The following TGFBR3 variants were observed in gnomAD, a reference collection of about 807,000 sequenced individuals.
TGFBR3 encodes transforming growth factor beta receptor type 3.
TGFBR3 carries 46 observed loss-of-function variants against 87.9 expected under a neutral mutation model. The observed-to-expected ratio is 0.52, with a 90% CI of 0.41 to 0.67. The LOEUF (loss-of-function observed/expected upper bound fraction) is 0.67. Among genes scored for constraint, TGFBR3 ranks in the 30% least tolerant of loss-of-function variants. The probability of loss-of-function intolerance (pLI) is 0.00; values close to 1 mark genes in which losing one functional copy is unlikely to be tolerated. For synonymous variants in TGFBR3, 381 were observed against 391.6 expected, an observed-to-expected ratio of 0.97 and a Z score of 0.32; for missense variants, 866 against 1,041.9, an observed-to-expected ratio of 0.83 and a Z score of 2.32.
intron 2 of TGFBR3, among the ~76,000 whole-genome samples, chr1:91,820,965 G>A (rs1676427362): frequency 6.6e-6 from 1 of 152,202 alleles, no homozygotes; most frequent in Non-Finnish European, 1.5e-5. Context: ...GGAGACACGA[G>A]AGGAACTCTG....
intron 2 of TGFBR3, among the ~76,000 whole-genome samples, chr1:91,832,071 T>G: frequency 6.6e-6 from 1 of 152,226 alleles, no homozygotes; most frequent in East Asian, 1.9e-4. Context: ...GGCTTTTATA[T>G]CCCTTTACTT....
At chr1:91,816,910 GTATTCT>G (rs1040124334) in intron 2 of TGFBR3, among the ~76,000 whole-genome samples, 35 of 152,050 alleles carry the variant, frequency 2.3e-4, no homozygotes, top group African/African-American at 8.0e-4. Flanking sequence ...CATATAATAG[GTATTCT>G]TATTAAAGAA....
At chr1:91,865,775 G>A (rs956327541) in intron 1 of TGFBR3, among the ~76,000 whole-genome samples, 7 of 151,958 alleles carry the variant, frequency 4.6e-5, no homozygotes, top group Non-Finnish European at 8.8e-5. Context: ...AGCCGGGCGC[G>A]GTGGCAGGCA....
intron 16 of TGFBR3, among the ~76,000 whole-genome samples, chr1:91,694,730 A>C (rs1671373420): frequency 6.6e-6 from 1 of 152,226 alleles, no homozygotes; most frequent in Non-Finnish European, 1.5e-5. Flanking sequence ...TAAACAGAGA[A>C]GCTGGGCCTG....
At chr1:91,857,759 C>T (rs1481586604) in intron 2 of TGFBR3, among the ~76,000 whole-genome samples, 1 of 152,110 alleles carries the variant, frequency 6.6e-6, no homozygotes. Context: ...GACAACACAG[C>T]AAGATCCCAT....
intron 2 of TGFBR3, among the ~76,000 whole-genome samples, chr1:91,842,368 G>A (rs948435626): frequency 1.3e-5 from 2 of 152,164 alleles, no homozygotes; most frequent in African/African-American, 4.8e-5. Flanking sequence ...GTACCATATA[G>A]ATGAGGAAAA....
intron 14 of TGFBR3, among the ~76,000 whole-genome samples, chr1:91,699,782 C>T (rs1671560878): frequency 6.6e-6 from 1 of 152,186 alleles, no homozygotes; most frequent in South Asian, 2.1e-4. Flanking sequence ...CAGAGTTCTG[C>T]CTAGCAGGCT....
chr1:91,853,092 G>A (rs760864045), intron 2 of TGFBR3, among the ~76,000 whole-genome samples: 2 of 151,532 alleles, frequency 1.3e-5, no homozygotes, highest in Non-Finnish European at 2.9e-5. Context: ...CTGGGAGGTC[G>A]AGGCTGCAGT....
At chr1:91,730,541 C>G (rs1672730562) in intron 5 of TGFBR3, among the ~76,000 whole-genome samples, 1 of 152,172 alleles carries the variant, frequency 6.6e-6, no homozygotes, top group Non-Finnish European at 1.5e-5. Context: ...ATACTGTCAT[C>G]TGTCTACCAA....
chr1:91,890,475 A>G (rs906744904), upstream of TGFBR3, among the ~76,000 whole-genome samples: 4 of 120,836 alleles, frequency 3.3e-5, no homozygotes, highest in African/African-American at 1.3e-4. Flanking sequence ...GCCGGAGTGC[A>G]GTGGCGCCAT....
In TGFBR3 at chr1:91,691,987, G is replaced by C. The variant is rs555362673; in HGVS notation, c.2437+3685C>G. ...CACTCCAGCCCGGGTGACAGAGCGAGACTCCGTCTCAAAACAAAAAAAAGA... is the reference window on the plus strand; with the variant it reads ...CACTCCAGCCCGGGTGACAGAGCGACACTCCGTCTCAAAACAAAAAAAAGA... On this transcript the variant is annotated intron_variant, in intron 16 of 16. Coordinates refer to ENST00000212355, the MANE Select transcript of TGFBR3 (RefSeq NM_003243.5). 2.2e-4 allele frequency among the ~76,000 whole-genome samples: 34 copies of C among 151,980 alleles called. 1 individual carries two copies. In the South Asian group the frequency reaches 4.2e-3, roughly 19 times the overall value.
intron 3 of TGFBR3, among the ~76,000 whole-genome samples, chr1:91,793,076 G>A (rs1221336087): frequency 6.6e-6 from 1 of 152,194 alleles, no homozygotes; most frequent in East Asian, 1.9e-4. Flanking sequence ...TAACAAGTGT[G>A]TTTCTGATAC....
chr1:91,819,568 A>G (rs1676372964), intron 2 of TGFBR3, among the ~76,000 whole-genome samples: 1 of 152,200 alleles, frequency 6.6e-6, no homozygotes. Flanking sequence ...AGCAGCACCT[A>G]AACATACAGC....
chr1:91,751,293 G>A (rs568690395), intron 4 of TGFBR3, among the ~76,000 whole-genome samples: 154 of 152,232 alleles, frequency 1.0e-3, no homozygotes, highest in African/African-American at 3.5e-3. Context: ...TTCTCCACAA[G>A]CAAACTTGAA....
chr1:91,744,405 T>A (rs1673262477), intron 4 of TGFBR3, among the ~76,000 whole-genome samples: 4 of 152,204 alleles, frequency 2.6e-5, no homozygotes. Context: ...TCTTTTACTT[T>A]TTAAATGCAC....
At chr1:91,890,641 A>G (rs1679425240), upstream of TGFBR3, among the ~76,000 whole-genome samples, 2 of 151,612 alleles carry the variant, frequency 1.3e-5, no homozygotes, top group Middle Eastern at 3.2e-3. Context: ...GCTGGTCTCA[A>G]ACTCCTGACC....
intron 1 of TGFBR3, among the ~76,000 whole-genome samples, chr1:91,885,625 C>T (rs1421624748): frequency 6.6e-6 from 1 of 152,180 alleles, no homozygotes; most frequent in Non-Finnish European, 1.5e-5. Context: ...CCCAGCACTG[C>T]GCATCGCCGG....
chr1:91,872,938 G>A (rs940118843), intron 1 of TGFBR3, among the ~76,000 whole-genome samples: 8 of 151,156 alleles, frequency 5.3e-5, no homozygotes, highest in Non-Finnish European at 4.4e-5. Flanking sequence ...CTCCTTCCCC[G>A]AGATTGATGG....
Position 91,716,574 on chromosome 1 carries a change from G to T in TGFBR3, c.1701C>A (p.Ile567=). The T allele has an allele frequency of 6.2e-7, 1 of 1,613,996 alleles. No individual in the cohort carries two copies. The highest frequency in any genetic ancestry group is 8.5e-7 in the Non-Finnish European group (1 of 1,180,008). ...ACTGATAACAAACACATACCACCAC[G>T]ATTTCAGGTCGGGTGAACAGGGAAG... The part of the protein sequence containing the change: ...GDASLFTRPE[I]VVFNCSLQQV... Residue 567 remains isoleucine, a synonymous_variant, in exon 11 of 17, where the codon ATC becomes ATA. Coordinates refer to ENST00000212355, the MANE Select transcript of TGFBR3 (RefSeq NM_003243.5).
Sources: gnomAD v4.1 joint callset for allele counts (sites outside exome capture counted in the v4.1 genomes callset) on GRCh38, gnomAD v4.1.1 for gene constraint, MANE v1.5 for transcripts, NCBI Gene and HGNC (gene_info 2026-07-23, HGNC 2026-07-21) for gene names.